BBS9: variants seen among roughly 807,000 people sequenced by gnomAD.
BBS9 encodes the protein Bardet-Biedl syndrome 9.
Under a neutral mutation model 117.7 loss-of-function variants are expected in BBS9, and 89 were observed. The ratio of observed to expected loss-of-function variants is 0.76; its 90% CI spans 0.64 to 0.90. BBS9 has a LOEUF of 0.90. BBS9 is among the 40% of genes least tolerant of loss of function. The pLI is 0.00. For synonymous variants in BBS9, 379 were observed against 370.9 expected, an observed-to-expected ratio of 1.02 and a Z score of -0.25; for missense variants, 982 against 1,042.2, an observed-to-expected ratio of 0.94 and a Z score of 0.80.
At chr7:33,619,934 C>T (rs1357565182) in intron 21 of BBS9, among the ~76,000 whole-genome samples, 4 of 151,882 alleles carry the variant, frequency 2.6e-5, no homozygotes, top group South Asian at 2.1e-4. Flanking sequence ...AGTGTTACAC[C>T]TCAAAGAACT....
At chr7:33,609,229 A>G (rs1180737569), downstream of BBS9, among the ~76,000 whole-genome samples, 1 of 152,088 alleles carries the variant, frequency 6.6e-6, no homozygotes, top group Non-Finnish European at 1.5e-5. Context: ...GGAAATTGAC[A>G]ACTCATTAGC....
chr7:33,143,279 T>C (rs2128086423), intron 1 of BBS9, among the ~76,000 whole-genome samples: 1 of 152,264 alleles, frequency 6.6e-6, no homozygotes, highest in South Asian at 2.1e-4. Context: ...CTATGTTTAA[T>C]TTTTTGTGGG....
intron 1 of BBS9, among the ~76,000 whole-genome samples, chr7:33,143,088 G>A (rs1791773930): frequency 6.6e-6 from 1 of 152,038 alleles, no homozygotes; most frequent in Non-Finnish European, 1.5e-5. Flanking sequence ...TCTTGCCTTA[G>A]CCTCCCGAGT....
At chr7:33,591,402 T>C (rs1390791393) in intron 21 of BBS9, among the ~76,000 whole-genome samples, 1 of 152,096 alleles carries the variant, frequency 6.6e-6, no homozygotes, top group Non-Finnish European at 1.5e-5. Flanking sequence ...AAAATTTCTA[T>C]GTCTTTAGAG....
chr7:33,205,868 G>C (rs1323080472), intron 5 of BBS9, among the ~76,000 whole-genome samples: 1 of 152,120 alleles, frequency 6.6e-6, no homozygotes, highest in Non-Finnish European at 1.5e-5. Flanking sequence ...TGATTTGACA[G>C]TTGGAAGTCT....
intron 19 of BBS9, among the ~76,000 whole-genome samples, chr7:33,498,507 C>T (rs547194291): frequency 6.6e-6 from 1 of 152,248 alleles, no homozygotes; most frequent in East Asian, 1.9e-4. Flanking sequence ...ACTTCCCATT[C>T]CTCCTATTTA....
At chr7:33,305,135 AT>A (rs1807608220) in intron 9 of BBS9, among the ~76,000 whole-genome samples, 1 of 137,100 alleles carries the variant, frequency 7.3e-6, no homozygotes, top group African/African-American at 2.6e-5. Context: ...ATCAATAAAT[AT>A]TAAAAAAAAA....
chr7:33,444,776 T>G (rs1307367652), intron 19 of BBS9, among the ~76,000 whole-genome samples: 1 of 152,208 alleles, frequency 6.6e-6, no homozygotes, highest in Non-Finnish European at 1.5e-5. Flanking sequence ...GAGCTCTAGC[T>G]CATGCTTTGG....
At chr7:33,592,111 G>A (rs188609801) in intron 21 of BBS9, among the ~76,000 whole-genome samples, 4 of 152,064 alleles carry the variant, frequency 2.6e-5, no homozygotes, top group Non-Finnish European at 4.4e-5. Flanking sequence ...TTACCTGAGC[G>A]TTTTTTAGAA....
intron 19 of BBS9, among the ~76,000 whole-genome samples, chr7:33,442,592 C>T (rs1836374189): frequency 6.6e-6 from 1 of 152,148 alleles, no homozygotes; most frequent in South Asian, 2.1e-4. Context: ...AAAATGGAAG[C>T]AAGTGCATTC....
intron 20 of BBS9, among the ~76,000 whole-genome samples, chr7:33,528,455 G>A (rs1850018917): frequency 6.6e-6 from 1 of 152,022 alleles, no homozygotes; most frequent in African/African-American, 2.4e-5. Context: ...AGTTAAGGAT[G>A]TGGTAGTGTT....
chr7:33,154,447 T>C (rs770151472), intron 3 of BBS9, among the ~76,000 whole-genome samples: 29 of 152,238 alleles, frequency 1.9e-4, no homozygotes, highest in East Asian at 5.8e-4. Context: ...TGCTTGTACA[T>C]GTGAGCCTGT....
At chr7:33,623,980 A>G (rs572516129) in intron 21 of BBS9, among the ~76,000 whole-genome samples, 3 of 85,286 alleles carry the variant, frequency 3.5e-5, no homozygotes, top group African/African-American at 8.9e-5. Flanking sequence ...CATTCATTCT[A>G]TTATTAAAAA....
Position 33,141,869 on chromosome 7 carries a change from AT to A in BBS9, c.-11-4364del, listed in dbSNP as rs74821687. 0.019 allele frequency among the ~76,000 whole-genome samples: 2,786 copies of A among 150,398 alleles called. 237 individuals carry two copies. The East Asian group carries it at 0.28, about 15-fold the overall frequency. On this transcript the variant is annotated intron_variant, in intron 1 of 22. Coordinates refer to ENST00000242067, the MANE Select transcript of BBS9 (RefSeq NM_198428.3). ...ATTATTTAATATTTTAGCTTTTTGGATTTTTTTTTCATTCAGCATAATGCTC... is the reference window on the plus strand; with the variant it reads ...ATTATTTAATATTTTAGCTTTTTGGATTTTTTTTCATTCAGCATAATGCTC...
intron 5 of BBS9, among the ~76,000 whole-genome samples, chr7:33,211,102 G>T (rs376573591): frequency 6.6e-6 from 1 of 152,048 alleles, no homozygotes; most frequent in Non-Finnish European, 1.5e-5. Flanking sequence ...ACAGATCATC[G>T]TGTCTTGTTT....
chr7:33,607,782 T>C (rs1864660575), downstream of BBS9, among the ~76,000 whole-genome samples: 1 of 152,108 alleles, frequency 6.6e-6, no homozygotes, highest in Non-Finnish European at 1.5e-5. Flanking sequence ...AACTCATCAT[T>C]TGTAATGTCA....
chr7:33,574,678 A>G (rs1858406759), intron 21 of BBS9, among the ~76,000 whole-genome samples: 1 of 140,356 alleles, frequency 7.1e-6, no homozygotes. Flanking sequence ...ACTGGAAGTC[A>G]TAGAAAACAC....
intron 5 of BBS9, among the ~76,000 whole-genome samples, chr7:33,236,614 A>G (rs1477724726): frequency 1.3e-5 from 2 of 152,024 alleles, no homozygotes; most frequent in African/African-American, 4.8e-5. Flanking sequence ...ACATTATAAT[A>G]TGTGCTAGTA....
chr7:33,483,908 G>A (rs1428278133), intron 19 of BBS9, among the ~76,000 whole-genome samples: 1 of 152,120 alleles, frequency 6.6e-6, no homozygotes, highest in African/African-American at 2.4e-5. Context: ...AAAATGTTGG[G>A]ATTTACAGAT....
Sources: gnomAD v4.1 joint callset for allele counts (sites outside exome capture counted in the v4.1 genomes callset) on GRCh38, gnomAD v4.1.1 for gene constraint, MANE v1.5 for transcripts, NCBI Gene and HGNC (gene_info 2026-07-23, HGNC 2026-07-21) for gene names.